The following PAQR5 variants were observed in gnomAD, a reference collection of about 807,000 sequenced individuals.
The protein encoded by PAQR5 is membrane progestin receptor gamma.
In PAQR5, 20 loss-of-function variants were observed where a neutral mutation model predicts 34.5. The ratio of observed to expected loss-of-function variants is 0.58; its 90% CI spans 0.41 to 0.84. The LOEUF (loss-of-function observed/expected upper bound fraction) is 0.84. Among genes scored for constraint, PAQR5 ranks in the 40% least tolerant of loss-of-function variants. The pLI is 0.00. For missense variants in PAQR5, 378 were observed against 412.7 expected, an observed-to-expected ratio of 0.92 and a Z score of 0.73; for synonymous variants, 131 against 155.6, an observed-to-expected ratio of 0.84 and a Z score of 1.18.
At chr15:69,389,218 C>T (rs1169655643) in intron 5 of PAQR5, among the ~76,000 whole-genome samples, 1 of 152,186 alleles carries the variant, frequency 6.6e-6, no homozygotes, top group African/African-American at 2.4e-5. Flanking sequence ...CTCGCTGGGT[C>T]TGTCGTCATG....
At chr15:69,383,630 G>C (rs111946757) in intron 4 of PAQR5, among the ~76,000 whole-genome samples, 3 of 114,364 alleles carry the variant, frequency 2.6e-5, no homozygotes, top group African/African-American at 7.0e-5. Context: ...TGGAGGGTGA[G>C]TGGCCCTCTG....
At chr15:69,335,412 A>G (rs1387185838) in intron 1 of PAQR5, among the ~76,000 whole-genome samples, 1 of 150,648 alleles carries the variant, frequency 6.6e-6, no homozygotes, top group Non-Finnish European at 1.5e-5. Context: ...CACCTGGCTA[A>G]TTTTTTATTT....
At chr15:69,324,444 C>T (rs181377586) in intron 1 of PAQR5, among the ~76,000 whole-genome samples, 2 of 152,292 alleles carry the variant, frequency 1.3e-5, no homozygotes, top group African/African-American at 2.4e-5. Flanking sequence ...TCACCAGAGC[C>T]GTTGAAACTT....
Position 69,318,085 on chromosome 15 carries a change from G to T in PAQR5, c.-277+19029G>T, listed in dbSNP as rs183085912. Among the ~76,000 whole-genome samples the T allele has an allele frequency of 2.8e-4, 42 of 152,310 alleles. 1 individual carries two copies. The South Asian group carries it at 6.2e-3, about 23-fold the overall frequency. On this transcript the variant is annotated intron_variant, in intron 1 of 8. Transcript: ENST00000395407. ...TATCCCATACATCGGGCAATGTTTCGTTGCGAGGACTCAGCAGTGGGCAAG... is the reference window on the plus strand; with the variant it reads ...TATCCCATACATCGGGCAATGTTTCTTTGCGAGGACTCAGCAGTGGGCAAG...
chr15:69,389,677 T>C lies in PAQR5; in HGVS notation c.409T>C (p.Tyr137His). 3 of 1,614,220 alleles carry C rather than the reference T, an allele frequency of 1.9e-6. No individual in the cohort carries two copies. The highest frequency in any genetic ancestry group is 2.5e-6 in the Non-Finnish European group (3 of 1,180,028). The change falls in exon 6 of 9, where the codon TAC (tyrosine) becomes CAC (histidine). Residue 137 changes from tyrosine to histidine, a missense_variant. Tyr to His is a moderately conservative substitution (Grantham distance 83). Transcript: ENST00000395407. ...SLGSAIAYSA[Y>H]TFPDALMCTT... The stretch of plus-strand genomic sequence containing the variant: ...AGGCTCAGCCATTGCCTACTCTGCA[T>C]ACACGTTCCCGGATGCGCTCATGTG...
At chr15:69,399,049 C>A (rs965560889) in intron 7 of PAQR5, among the ~76,000 whole-genome samples, 1 of 152,206 alleles carries the variant, frequency 6.6e-6, no homozygotes, top group Non-Finnish European at 1.5e-5. Context: ...TGGCCTGCTG[C>A]CCTCGGTAAG....
At chr15:69,334,039 T>C (rs1250776219) in intron 1 of PAQR5, among the ~76,000 whole-genome samples, 1 of 152,172 alleles carries the variant, frequency 6.6e-6, no homozygotes, top group Non-Finnish European at 1.5e-5. Flanking sequence ...GTTTTTTTGT[T>C]TTTTCTTTGA....
chr15:69,319,974 T>G (rs1228519329), intron 1 of PAQR5, among the ~76,000 whole-genome samples: 2 of 152,202 alleles, frequency 1.3e-5, no homozygotes, highest in Non-Finnish European at 2.9e-5. Flanking sequence ...GGCTGGCAGC[T>G]TTATCTCAGA....
At chr15:69,339,756 A>G (rs527754989) in intron 2 of PAQR5, among the ~76,000 whole-genome samples, 77 of 152,222 alleles carry the variant, frequency 5.1e-4, no homozygotes, top group Non-Finnish European at 9.6e-4. Flanking sequence ...TACAGGCATG[A>G]GCCATTGAGC....
chr15:69,300,650 T>TC (rs1566985469), intron 1 of PAQR5, among the ~76,000 whole-genome samples: 3 of 20,064 alleles, frequency 1.5e-4, no homozygotes, highest in African/African-American at 2.2e-4. Flanking sequence ...TCTTTCTTTC[T>TC]TTTCTTTCTT....
intron 1 of PAQR5, among the ~76,000 whole-genome samples, chr15:69,329,902 G>A (rs34175310): frequency 0.094 from 14,256 of 152,156 alleles, 789 homozygotes; most frequent in South Asian, 0.14. Flanking sequence ...AATACCACTG[G>A]CATTGATTCA....
intron 6 of PAQR5, chr15:69,396,797 TG>T: frequency 3.7e-6 from 1 of 268,896 alleles, no homozygotes; most frequent in Non-Finnish European, 7.2e-6. Flanking sequence ...ATGTTCTGTC[TG>T]GGGGGACCTG....
Position 69,324,898 on chromosome 15 carries a change from CTT to C in PAQR5, c.-276-12428_-276-12427del, listed in dbSNP as rs11355683. Among the ~76,000 whole-genome samples, 500 of 136,726 alleles carry C rather than the reference CTT, an allele frequency of 3.7e-3. 2 individuals are homozygous for C. Among genetic ancestry groups the C allele is most frequent in the Non-Finnish European group, 5.9e-3 (374 of 63,492 alleles). The allele number at this position is 136,726 out of a possible 152,430, so 89.7% of individuals were successfully genotyped here. On this transcript the variant is annotated intron_variant, in intron 1 of 8. Coordinates refer to ENST00000395407, the MANE Select transcript of PAQR5 (RefSeq NM_017705.4). ...TCAAGACTTATCCCAAGTTTCATTT[CTT>C]TTTTTTTTTTTTTTCTGAGGTAGAG... is the stretch of plus-strand genomic sequence containing the variant.
chr15:69,351,956 T>C (rs1029949734), intron 2 of PAQR5, among the ~76,000 whole-genome samples: 1 of 152,220 alleles, frequency 6.6e-6, no homozygotes, highest in Non-Finnish European at 1.5e-5. Flanking sequence ...TGTGTTACTC[T>C]AGCCCATCTA....
intron 4 of PAQR5, chr15:69,382,750 GTATATATATGTGTA>G (rs1162597370): frequency 7.6e-6 from 1 of 131,864 alleles, no homozygotes; most frequent in Non-Finnish European, 1.6e-5. Flanking sequence ...ATATATGTGT[GTATATATATGTGTA>G]TATATATGTG....
At chr15:69,306,701 C>T (rs957608881) in intron 1 of PAQR5, among the ~76,000 whole-genome samples, 1 of 152,124 alleles carries the variant, frequency 6.6e-6, no homozygotes, top group Non-Finnish European at 1.5e-5. Context: ...CCGCCCCCCG[C>T]CCATTTAACC....
chr15:69,349,208 G>C (rs1276433043), intron 2 of PAQR5, among the ~76,000 whole-genome samples: 2 of 152,164 alleles, frequency 1.3e-5, no homozygotes, highest in African/African-American at 2.4e-5. Context: ...GGTAAACTCT[G>C]CTCGCCTGAG....
intron 3 of PAQR5, among the ~76,000 whole-genome samples, chr15:69,362,850 C>T (rs552541455): frequency 1.3e-5 from 2 of 152,298 alleles, no homozygotes; most frequent in East Asian, 1.9e-4. Context: ...TGTTCACCAC[C>T]TTCACCAGCC....
chr15:69,383,245 A>G (rs1595920037), intron 4 of PAQR5, among the ~76,000 whole-genome samples: 9 of 109,792 alleles, frequency 8.2e-5, no homozygotes, highest in Middle Eastern at 5.3e-3. Flanking sequence ...CAGGTCCTCC[A>G]TGTTCATCAT....
Sources: gnomAD v4.1 joint callset for allele counts (sites outside exome capture counted in the v4.1 genomes callset) on GRCh38, gnomAD v4.1.1 for gene constraint, MANE v1.5 for transcripts, NCBI Gene and HGNC (gene_info 2026-07-23, HGNC 2026-07-21) for gene names.